AFF3: variants seen among roughly 807,000 people sequenced by gnomAD.
AFF3 encodes ALF transcription elongation factor 3.
In AFF3, 32 loss-of-function variants were observed where a neutral mutation model predicts 129.7. That is an observed-to-expected ratio of 0.25 (90% CI 0.19 to 0.33). AFF3 has a LOEUF of 0.33. Among genes scored for constraint, AFF3 ranks in the 10% least tolerant of loss-of-function variants. The probability of loss-of-function intolerance (pLI) is 1.00; values close to 1 mark genes in which losing one functional copy is unlikely to be tolerated. For synonymous variants in AFF3, 644 were observed against 635.4 expected, an observed-to-expected ratio of 1.01 and a Z score of -0.20; for missense variants, 1,373 against 1,592.0, an observed-to-expected ratio of 0.86 and a Z score of 2.34.
rs183896060 is a variant in AFF3 at position 99,908,247 on chromosome 2, A to G, written c.874-70723T>C. Among the ~76,000 whole-genome samples the G allele has an allele frequency of 2.2e-3, 338 of 152,298 alleles. 3 individuals are homozygous for G. Among genetic ancestry groups the G allele is most frequent in the Non-Finnish European group, 3.2e-3 (215 of 68,024 alleles). ...GGGGAAAGAATTCCCTATTTAATAAATGGTGCTGGGAAAACTGGCTAGCCA... is the reference window on the plus strand; with the variant it reads ...GGGGAAAGAATTCCCTATTTAATAAGTGGTGCTGGGAAAACTGGCTAGCCA... On this transcript the variant is annotated intron_variant, in intron 7 of 24. Coordinates refer to ENST00000672756, the MANE Select transcript of AFF3 (RefSeq NM_001386135.1).
chr2:100,107,201 T>G, intron 2 of AFF3: 1 of 985,382 alleles, frequency 1.0e-6, no homozygotes, highest in Non-Finnish European at 1.2e-6. Context: ...AGATCCTGTT[T>G]TTTACTAAGC....
intron 11 of AFF3, among the ~76,000 whole-genome samples, chr2:99,689,838 C>A (rs899254951): frequency 2.0e-5 from 3 of 151,620 alleles, no homozygotes; most frequent in Non-Finnish European, 1.5e-5. Context: ...CTTTAAAAAA[C>A]AACACTTAGA....
intron 8 of AFF3, among the ~76,000 whole-genome samples, chr2:99,816,849 T>C (rs1687277104): frequency 6.6e-6 from 1 of 152,130 alleles, no homozygotes; most frequent in Non-Finnish European, 1.5e-5. Flanking sequence ...TAGAGTTTTT[T>C]GTGTTCTTCT....
chr2:99,624,983 TAC>T (rs1267485373), intron 13 of AFF3, among the ~76,000 whole-genome samples: 1 of 152,190 alleles, frequency 6.6e-6, no homozygotes, highest in Non-Finnish European at 1.5e-5. Context: ...ACACACAAGA[TAC>T]AGTCTCTCGT....
intron 4 of AFF3, among the ~76,000 whole-genome samples, chr2:100,045,878 C>A (rs370657337): frequency 1.3e-5 from 2 of 152,070 alleles, no homozygotes; most frequent in Admixed American, 1.3e-4. Context: ...ATGTAACATA[C>A]AAAATGCATG....
At chr2:99,730,276 T>C (rs1679716604) in intron 10 of AFF3, among the ~76,000 whole-genome samples, 1 of 152,122 alleles carries the variant, frequency 6.6e-6, no homozygotes, top group African/African-American at 2.4e-5. Context: ...CTTAAAAAAT[T>C]ATAACAGTTA....
intron 8 of AFF3, among the ~76,000 whole-genome samples, chr2:99,819,248 A>G (rs962541902): frequency 2.0e-5 from 3 of 152,256 alleles, no homozygotes; most frequent in Non-Finnish European, 4.4e-5. Context: ...AGTTGTAAAG[A>G]AAACTGTAAA....
intron 18 of AFF3, among the ~76,000 whole-genome samples, chr2:99,571,715 T>C (rs1205725570): frequency 6.6e-6 from 1 of 152,206 alleles, no homozygotes; most frequent in East Asian, 1.9e-4. Flanking sequence ...CACTGAAGAT[T>C]GCCTGATGAT....
intron 7 of AFF3, among the ~76,000 whole-genome samples, chr2:99,962,313 T>C (rs1392215837): frequency 6.6e-6 from 1 of 152,166 alleles, no homozygotes; most frequent in Non-Finnish European, 1.5e-5. Context: ...GCCTGTGTGC[T>C]AAATGTTAAA....
At chr2:99,718,260 T>C (rs1452133132) in intron 11 of AFF3, among the ~76,000 whole-genome samples, 1 of 152,212 alleles carries the variant, frequency 6.6e-6, no homozygotes, top group Non-Finnish European at 1.5e-5. Flanking sequence ...ATGAGAAAAA[T>C]CGAGATGTCA....
intron 24 of AFF3, among the ~76,000 whole-genome samples, chr2:99,553,126 G>T (rs995974767): frequency 6.6e-6 from 1 of 152,054 alleles, no homozygotes; most frequent in Non-Finnish European, 1.5e-5. Context: ...CAGTAGAGAC[G>T]GGGTTTCTCC....
chr2:99,852,053 G>T (rs1423790356), intron 7 of AFF3, among the ~76,000 whole-genome samples: 1 of 152,116 alleles, frequency 6.6e-6, no homozygotes, highest in Non-Finnish European at 1.5e-5. Flanking sequence ...CCACTGTGTG[G>T]CCTGCTACAT....
At chr2:99,719,341 A>G (rs964846616) in intron 11 of AFF3, among the ~76,000 whole-genome samples, 2 of 152,164 alleles carry the variant, frequency 1.3e-5, no homozygotes, top group Admixed American at 6.5e-5. Flanking sequence ...TCACTGAATC[A>G]GATATGCTAA....
At chr2:99,716,741 C>T (rs1294347641) in intron 11 of AFF3, among the ~76,000 whole-genome samples, 2 of 151,926 alleles carry the variant, frequency 1.3e-5, no homozygotes, top group East Asian at 1.9e-4. Context: ...ATTATCTGGG[C>T]GTTGTGGTGC....
intron 4 of AFF3, among the ~76,000 whole-genome samples, chr2:100,082,149 A>G (rs1285186820): frequency 6.6e-6 from 1 of 152,140 alleles, no homozygotes; most frequent in African/African-American, 2.4e-5. Context: ...TCATTATGAG[A>G]TTTTCTCATC....
At chr2:99,622,847 A>G (rs1359600821) in intron 13 of AFF3, among the ~76,000 whole-genome samples, 3 of 152,222 alleles carry the variant, frequency 2.0e-5, no homozygotes, top group Admixed American at 6.5e-5. Flanking sequence ...GGGCATGGGC[A>G]CAGGCAGGAC....
intron 12 of AFF3, among the ~76,000 whole-genome samples, chr2:99,655,242 AC>A (rs1230145622): frequency 4.0e-5 from 6 of 151,574 alleles, no homozygotes; most frequent in Non-Finnish European, 7.4e-5. Flanking sequence ...ACACACACAC[AC>A]ACACACACAC....
chr2:99,673,578 A>G (rs1687354043), intron 11 of AFF3, among the ~76,000 whole-genome samples: 1 of 152,196 alleles, frequency 6.6e-6, no homozygotes, highest in African/African-American at 2.4e-5. Context: ...CCACGCAGAG[A>G]CGCTCTGAGG....
intron 13 of AFF3, among the ~76,000 whole-genome samples, chr2:99,625,278 G>A (rs1363671102): frequency 6.6e-6 from 1 of 152,110 alleles, no homozygotes. Context: ...GCAAAATACA[G>A]GGCACCCCGT....
Sources: allele counts gnomAD v4.1 joint callset (sites outside exome capture counted in the v4.1 genomes callset), GRCh38; gene constraint gnomAD v4.1.1; transcripts MANE v1.5; gene names NCBI Gene and HGNC (gene_info 2026-07-23, HGNC 2026-07-21).